FAT4: variants seen among roughly 807,000 people sequenced by gnomAD.
FAT4 encodes protocadherin Fat 4.
Under a neutral mutation model 303.9 loss-of-function variants are expected in FAT4, and 84 were observed. The ratio of observed to expected loss-of-function variants is 0.28; its 90% confidence interval spans 0.23 to 0.33. FAT4 has a LOEUF of 0.33. Ranked by LOEUF, FAT4 falls within the 10% of genes least tolerant of loss-of-function variation. FAT4 has a pLI of 1.00. For synonymous variants in FAT4, 2,307 were observed against 2,298.8 expected, an observed-to-expected ratio of 1.00 and a Z score of -0.10; for missense variants, 6,005 against 6,146.8, an observed-to-expected ratio of 0.98 and a Z score of 0.77.
chr4:125,320,908 T>C lies in FAT4; in HGVS notation c.4497T>C (p.Asn1499=). The change falls in exon 2 of 18, where the codon AAT becomes AAC. Residue 1499 remains asparagine (N), a synonymous_variant. Coordinates refer to ENST00000394329, the MANE Select transcript of FAT4 (RefSeq NM_001291303.3). ...TCTTTGAGTTGACTGTAAAAGCCAA[T>C]GATCAAGCTGTGCCAATAGAAACTA... is the stretch of plus-strand genomic sequence containing the variant. ...ANLFELTVKA[N]DQAVPIETRR... is the part of the protein sequence containing the mutation. 1.2e-6 allele frequency: 2 copies of C among 1,614,188 alleles called. No individual in the cohort carries two copies. Among genetic ancestry groups the C allele is most frequent in the Non-Finnish European group, 1.7e-6 (2 of 1,180,010 alleles).
intron 2 of FAT4, among the ~76,000 whole-genome samples, chr4:125,392,125 A>G (rs1244292520): frequency 1.3e-5 from 2 of 152,182 alleles, no homozygotes; most frequent in East Asian, 3.8e-4. Context: ...AGAGCTACAA[A>G]ATACTATTAT....
chr4:125,446,721 T>C (rs1452456869), intron 9 of FAT4, among the ~76,000 whole-genome samples, 178 bp downstream of exon 9: 1 of 152,114 alleles, frequency 6.6e-6, no homozygotes, highest in Non-Finnish European at 1.5e-5. Context: ...ACTTGAAAAT[T>C]AACCCTTTCT....
At chr4:125,397,738 C>G (rs769662151) in intron 2 of FAT4, among the ~76,000 whole-genome samples, 2 of 152,150 alleles carry the variant, frequency 1.3e-5, no homozygotes, top group Admixed American at 6.6e-5. Flanking sequence ...TACTGCCTCT[C>G]CCCTTCCCAC....
chr4:125,415,030 C>T lies in FAT4; in HGVS notation c.6067C>T (p.Leu2023=), dbSNP rs531343893. ...FYNLVVQVHD[L]PQIPASRFTS... is the part of the protein sequence containing the mutation. The stretch of plus-strand genomic sequence containing the variant: ...CAACTTGGTTGTTCAAGTGCATGAC[C>T]TGCCACAGATTCCAGCCTCCAGATT... Residue 2023 remains leucine, a synonymous_variant, in exon 6 of 18, where the codon CTG becomes TTG. Transcript: ENST00000394329. 1.2e-6 allele frequency: 2 copies of T among 1,614,056 alleles called. No homozygotes were observed. The highest frequency in any genetic ancestry group is 1.7e-6 in the Non-Finnish European group (2 of 1,179,974).
chr4:125,357,699 C>T (rs561341255), intron 2 of FAT4, among the ~76,000 whole-genome samples: 1 of 152,162 alleles, frequency 6.6e-6, no homozygotes, highest in African/African-American at 2.4e-5. Context: ...AACAACTAAG[C>T]ATATACATTG....
chr4:125,432,184 C>T (rs1395234), intron 7 of FAT4, among the ~76,000 whole-genome samples: 150,818 of 152,224 alleles, frequency 0.99, 74,727 homozygotes, highest in East Asian at 1. Flanking sequence ...CAAAGCAGCG[C>T]AGGAAGCAGC....
rs2126060063 is a variant in FAT4, at chr4:125,450,876, A to T, written c.9866A>T (p.Gln3289Leu). The T allele has an allele frequency of 6.2e-7, 1 of 1,614,134 alleles. No homozygotes were observed. The highest frequency in any genetic ancestry group is 1.1e-5 in the South Asian group (1 of 91,086). The change falls in exon 10 of 18, where the codon CAA (glutamine) becomes CTA (leucine). Residue 3289 changes from glutamine to leucine, a missense_variant. By Grantham distance (113) the Gln-to-Leu change is moderately radical. Coordinates refer to ENST00000394329, the MANE Select transcript of FAT4 (RefSeq NM_001291303.3). ...TGTAGCTTTGCCACTGTTAATATAC[A>T]ATTAAAAGGGACAAATGAATATGTG... Reference protein sequence around the residue: ...ERCSFATVNIQLKGTNEYVPR... With the variant: ...ERCSFATVNILLKGTNEYVPR...
chr4:125,441,396 A>T (rs879436639), intron 8 of FAT4, among the ~76,000 whole-genome samples: 35 of 152,314 alleles, frequency 2.3e-4, no homozygotes, highest in Middle Eastern at 3.4e-3. Flanking sequence ...TATGCAAAAA[A>T]CATGGCATTA....
chr4:125,434,932 C>T (rs758132208), intron 8 of FAT4, among the ~76,000 whole-genome samples: 1 of 152,102 alleles, frequency 6.6e-6, no homozygotes, highest in Non-Finnish European at 1.5e-5. Flanking sequence ...AGTGAAAGCT[C>T]CCAGAACTCT....
chr4:125,443,254 A>C (rs1725719678), intron 8 of FAT4, among the ~76,000 whole-genome samples: 1 of 152,200 alleles, frequency 6.6e-6, no homozygotes, highest in Admixed American at 6.6e-5. Context: ...TATGCAAATA[A>C]TTTGAAATAG....
intron 2 of FAT4, among the ~76,000 whole-genome samples, chr4:125,332,687 GT>G (rs1347599391): frequency 6.6e-6 from 1 of 151,902 alleles, no homozygotes; most frequent in Admixed American, 6.6e-5. Context: ...TTTAGAAATC[GT>G]TTTTTGTCCA....
chr4:125,383,609 C>T (rs998187925), intron 2 of FAT4, among the ~76,000 whole-genome samples: 4 of 152,160 alleles, frequency 2.6e-5, no homozygotes, highest in Admixed American at 6.5e-5. Flanking sequence ...AAAAATAATG[C>T]TGATAGAAAC....
Position 125,408,506 on chromosome 4 carries a change from T to C in FAT4, c.5632T>C (p.Tyr1878His). The change falls in exon 5 of 18, where the codon TAT (tyrosine) becomes CAT (histidine). Residue 1878 changes from tyrosine (Y) to histidine (H), a missense_variant. Physicochemically the swap from Tyr to His is moderately conservative, Grantham distance 83 (BLOSUM62 2). Transcript: ENST00000394329. ...CTCTGGTGTGAATGGAGAAATTACA[T>C]ATATTGTGAATGAAGATGATGAAGA... ...DDSGVNGEITYIVNEDDEDGI... is the reference protein window; with the variant it reads ...DDSGVNGEITHIVNEDDEDGI... 6.2e-7 allele frequency: 1 copy of C among 1,613,394 alleles called. No homozygotes were observed. Among genetic ancestry groups the C allele is most frequent in the South Asian group, 1.1e-5 (1 of 91,046 alleles).
chr4:125,337,429 A>T (rs2125964359), intron 2 of FAT4, among the ~76,000 whole-genome samples: 1 of 152,220 alleles, frequency 6.6e-6, no homozygotes, highest in Non-Finnish European at 1.5e-5. Context: ...ATGTTAAATT[A>T]ACTTTGAAAG....
In FAT4 at chr4:125,450,143, G is replaced by C. The variant is rs1725997672; in HGVS notation, c.9133G>C (p.Val3045Leu). ...GGACAATGATACGGGGTGGATTTCA[G>C]TAGCATCCTCCCTGATTTCTGACTT... ...KLDNDTGWIS[V>L]ASSLISDLNQ... Residue 3045 changes from valine (V) to leucine (L), a missense_variant, in exon 10 of 18, where the codon GTA (valine) becomes CTA (leucine). Physicochemically the swap from Val to Leu is conservative, Grantham distance 32. Coordinates refer to ENST00000394329, the MANE Select transcript of FAT4 (RefSeq NM_001291303.3). The C allele has an allele frequency of 1.2e-6, 2 of 1,613,600 alleles. No individual in the cohort carries two copies. The highest frequency in any genetic ancestry group is 2.7e-5 in the African/African-American group (2 of 74,904).
chr4:125,317,425 G>A lies in FAT4; in HGVS notation c.1014G>A (p.Glu338=). The change falls in exon 2 of 18, where the codon GAG becomes GAA. Residue 338 remains glutamate (E), a synonymous_variant. Coordinates refer to ENST00000394329, the MANE Select transcript of FAT4 (RefSeq NM_001291303.3). The surrounding 1 kb of genome is among the most constrained non-coding windows in gnomAD (Gnocchi z 7.0). ...RGVPSLTGRA[E]ALIQLLDVND... The stretch of plus-strand genomic sequence containing the variant: ...TGCCTTCCCTCACTGGGCGCGCCGA[G>A]GCGCTGATTCAGCTGCTGGACGTGA... The A allele has an allele frequency of 6.2e-7, 1 of 1,613,626 alleles. No homozygotes were observed. The highest frequency in any genetic ancestry group is 8.5e-7 in the Non-Finnish European group (1 of 1,180,050).
intron 9 of FAT4, among the ~76,000 whole-genome samples, chr4:125,447,478 G>A (rs1177786313): frequency 1.3e-5 from 2 of 152,042 alleles, no homozygotes; most frequent in African/African-American, 4.8e-5. Context: ...ACCTGCTAAA[G>A]GTCTTCAGAT....
chr4:125,352,295 T>C (rs1732256151), intron 2 of FAT4, among the ~76,000 whole-genome samples: 1 of 151,612 alleles, frequency 6.6e-6, no homozygotes, highest in South Asian at 2.1e-4. Flanking sequence ...GAAAAAAACC[T>C]CAAGGGCCAG....
Position 125,320,105 on chromosome 4 carries a change from G to A in FAT4, c.3694G>A (p.Val1232Ile), listed in dbSNP as rs768283988. 2 of 1,613,850 alleles carry A rather than the reference G, an allele frequency of 1.2e-6. No individual in the cohort carries two copies. Among genetic ancestry groups the A allele is most frequent in the African/African-American group, 1.3e-5 (1 of 74,918 alleles). Residue 1232 changes from valine to isoleucine, a missense_variant, in exon 2 of 18, where the codon GTA becomes ATA. Physicochemically the swap from Val to Ile is conservative, Grantham distance 29. Coordinates refer to ENST00000394329, the MANE Select transcript of FAT4 (RefSeq NM_001291303.3). Reference protein sequence around the residue: ...SAANLTQVLRVSASDVDEGNN... With the variant: ...SAANLTQVLRISASDVDEGNN... ...AGCCAATCTGACACAAGTGTTAAGA[G>A]TATCTGCCTCAGATGTTGATGAAGG...
Sources: gnomAD v4.1 joint callset for allele counts (sites outside exome capture counted in the v4.1 genomes callset) on GRCh38, gnomAD v4.1.1 for gene constraint, Gnocchi (gnomAD v3.1) non-coding constraint, MANE v1.5 for transcripts, NCBI Gene and HGNC (gene_info 2026-07-23, HGNC 2026-07-21) for gene names.